TMEM176A: variants seen among roughly 807,000 people sequenced by gnomAD.
The protein encoded by TMEM176A is transmembrane protein 176A, also known as hepatocellular carcinoma-associated antigen 112.
A neutral mutation model predicts 27.9 loss-of-function variants in TMEM176A; 20 were observed. That is an observed-to-expected ratio of 0.72 (90% CI 0.50 to 1.04). The LOEUF (loss-of-function observed/expected upper bound fraction) is 1.04. TMEM176A is among the 50% of genes least tolerant of loss of function. The pLI, the probability that TMEM176A is intolerant of heterozygous loss-of-function variation, is 0.00. For missense variants in TMEM176A, 252 were observed against 289.1 expected (o/e 0.87, Z 0.93); for synonymous variants, 125 against 118.0 (o/e 1.06, Z -0.38).
At chr7:150,804,586 AC>A in intron 6 of TMEM176A, 114 bp downstream of exon 6, 4 of 983,726 alleles carry the variant, frequency 4.1e-6, no homozygotes, top group Non-Finnish European at 1.6e-6. Context: ...CCCAAGTCCC[AC>A]CTATTATCAT....
chr7:150,802,028 C>A, intron 2 of TMEM176A, 187 bp from the exon 3 acceptor site: 1 of 615,646 alleles, frequency 1.6e-6, no homozygotes, highest in Non-Finnish European at 2.8e-6. Flanking sequence ...CTCTTTTCTC[C>A]TCCTCCTGCC....
intron 1 of TMEM176A, 98 bp downstream of exon 1, chr7:150,800,926 CCCAGGGATGA>C (rs1231816414): frequency 1.0e-6 from 1 of 985,502 alleles, no homozygotes; most frequent in Non-Finnish European, 1.2e-6. Context: ...GGGACCCCCA[CCCAGGGATGA>C]CACTCCAGGA....
Position 150,804,421 on chromosome 7 carries a change from A to G in TMEM176A, c.615A>G (p.Ala205=). Residue 205 remains alanine (A), a synonymous_variant, in exon 6 of 7, where the codon GCA becomes GCG. Transcript: ENST00000004103. ...LLGVWILLLL[A]SLTPLWLYCW... Reference sequence around the variant, plus strand: ...GTGTCTGGATTCTGCTGCTTCTGGCATCTCTGACCCCTCTGTGGCTGTACT... The same window carrying G: ...GTGTCTGGATTCTGCTGCTTCTGGCGTCTCTGACCCCTCTGTGGCTGTACT... 1 of 1,614,148 alleles carries G rather than the reference A, an allele frequency of 6.2e-7. No homozygotes were observed. The highest frequency in any genetic ancestry group is 8.5e-7 in the Non-Finnish European group (1 of 1,180,018).
In TMEM176A at chr7:150,803,334, G is replaced by C. The variant is rs1029189369; in HGVS notation, c.286-66G>C. On this transcript the variant is annotated intron_variant, in intron 3 of 6. Coordinates refer to ENST00000004103, the MANE Select transcript of TMEM176A (RefSeq NM_018487.3). ...GTGCTGGGGAAGGGCCTGCATGGAG[G>C]CTCTCTCGTGGGAGAGGAGTTGCAT... The C allele has an allele frequency of 2.3e-5, 34 of 1,508,930 alleles. No individual in the cohort carries two copies. The South Asian group carries it at 3.6e-4, about 16-fold the overall frequency. The allele number at this position is 1,508,930 out of a possible 1,614,324, so 93.5% of individuals were successfully genotyped here.
In TMEM176A at chr7:150,801,533, T is replaced by A. The variant is rs113330466; in HGVS notation, c.-15-3T>A. ...TTCCTCTCTGGTGCTCCCTTCCTCA[T>A]AGACTGTGTCCCTGACAATGGGAAC... On this transcript the variant is annotated splice_region_variant and splice_polypyrimidine_tract_variant and intron_variant, in intron 1 of 6. Transcript: ENST00000004103. 31 of 1,581,004 alleles carry A rather than the reference T, an allele frequency of 2.0e-5. No individual in the cohort carries two copies. In the East Asian group the frequency reaches 6.9e-4, roughly 35 times the overall value.
At chr7:150,801,906 G>A (rs567014275) in intron 2 of TMEM176A, 182 bp downstream of exon 2, 2 of 697,082 alleles carry the variant, frequency 2.9e-6, no homozygotes, top group Non-Finnish European at 2.3e-6. Context: ...GGGCTGAAGG[G>A]GTGTGGAGGA....
At position 150,800,836 on chromosome 7, in the gene TMEM176A, G is replaced by A. The variant is rs1293847438; in HGVS notation, c.-16+8G>A. 1.2e-6 allele frequency: 1 copy of A among 817,730 alleles called. No homozygotes were observed. 50.7% of individuals were successfully genotyped at this position (817,730 alleles called of 1,614,324 possible). ...AGGTCCCGAGGAGCGCAGGTGAGGC[G>A]GCACCCCACTCCCGGCGGCCCCCGG... On this transcript the variant is annotated splice_region_variant and intron_variant, in intron 1 of 6. Coordinates refer to ENST00000004103, the MANE Select transcript of TMEM176A (RefSeq NM_018487.3).
rs200905753 is a variant in TMEM176A at position 150,804,431 on chromosome 7, C to G, written c.625C>G (p.Pro209Ala). The change falls in exon 6 of 7, where the codon CCT (proline) becomes GCT (alanine). Residue 209 changes from proline (P) to alanine (A), a missense_variant. Physicochemically the swap from Pro to Ala is conservative, Grantham distance 27. Transcript: ENST00000004103. Reference sequence around the variant, plus strand: ...TCTGCTGCTTCTGGCATCTCTGACCCCTCTGTGGCTGTACTGCTGGAGAAT... The same window carrying G: ...TCTGCTGCTTCTGGCATCTCTGACCGCTCTGTGGCTGTACTGCTGGAGAAT... Reference protein sequence around the residue: ...WILLLLASLTPLWLYCWRMFP... With the variant: ...WILLLLASLTALWLYCWRMFP... The G allele has an allele frequency of 9.0e-5, 145 of 1,614,038 alleles. No homozygotes were observed. Among genetic ancestry groups the G allele is most frequent in the Admixed American group, 6.7e-4 (40 of 60,004 alleles).
intron 2 of TMEM176A, 29 bp downstream of exon 2, chr7:150,801,753 G>A (rs1345548583): frequency 4.1e-6 from 6 of 1,468,356 alleles, no homozygotes; most frequent in Non-Finnish European, 5.4e-6. Flanking sequence ...CTCGTCGGGC[G>A]GCGGGAGGAA....
chr7:150,803,200 T>C, intron 3 of TMEM176A, 200 bp from the exon 4 acceptor site: 1 of 1,329,064 alleles, frequency 7.5e-7, no homozygotes, highest in Non-Finnish European at 9.6e-7. Flanking sequence ...TAGGTGTCAC[T>C]AAAGCAGGGC....
In TMEM176A at chr7:150,801,736, GGCC is replaced by G. The variant is rs1563048480; in HGVS notation, c.174+13_174+15del. ...TGGTGGCCTCGTGGGTGAGTGTGAC[GGCC>G]TGCCTCGTCGGGCGGCGGGAGGAAC... On this transcript the variant is annotated intron_variant, in intron 2 of 6. Transcript: ENST00000004103. 1 of 1,499,266 alleles carries G rather than the reference GGCC, an allele frequency of 6.7e-7. No individual in the cohort carries two copies. The highest frequency in any genetic ancestry group is 8.8e-7 in the Non-Finnish European group (1 of 1,134,064). 92.9% of individuals were successfully genotyped at this position (1,499,266 alleles called of 1,614,324 possible). A position where few individuals can be genotyped will look rare whatever the true frequency, so the allele number is the denominator to read the frequency against.
At position 150,805,049 on chromosome 7, in the gene TMEM176A, C is replaced by T. The variant is rs1798893882; in HGVS notation, c.*181C>T. ...CTTGCCCATTCCTTACACCCCTTCCCCATCCTGCTCCGCTTCATGTCCCCT... is the reference window on the plus strand; with the variant it reads ...CTTGCCCATTCCTTACACCCCTTCCTCATCCTGCTCCGCTTCATGTCCCCT... On this transcript the variant is annotated 3_prime_UTR_variant, in exon 7 of 7. Coordinates refer to ENST00000004103, the MANE Select transcript of TMEM176A (RefSeq NM_018487.3). 4.7e-6 allele frequency: 3 copies of T among 635,494 alleles called. No individual in the cohort carries two copies. In the Admixed American group the frequency reaches 7.9e-5, roughly 17 times the overall value. 39.4% of individuals were successfully genotyped at this position (635,494 alleles called of 1,614,324 possible).
chr7:150,804,402 G>A lies in TMEM176A; in HGVS notation c.596G>A (p.Trp199Ter). 2 of 1,614,212 alleles carry A rather than the reference G, an allele frequency of 1.2e-6. No individual in the cohort carries two copies. Among genetic ancestry groups the A allele is most frequent in the Non-Finnish European group, 1.7e-6 (2 of 1,180,030 alleles). ...CTTCAGGCCATGCTCTTGGGTGTCT[G>A]GATTCTGCTGCTTCTGGCATCTCTG... is the stretch of plus-strand genomic sequence containing the variant. The part of the protein sequence containing the change: ...RTLQAMLLGV[W>*]ILLLLASLTP... The change falls in exon 6 of 7, where the codon TGG (tryptophan) becomes TAG (stop). Residue 199 changes from tryptophan to a stop codon, truncating the protein, a stop_gained. Transcript: ENST00000004103. LOFTEE classifies it high-confidence loss of function.
At chr7:150,804,302 G>A (rs1165372307) in intron 5 of TMEM176A, 60 bp from the exon 6 acceptor site, 33 of 1,363,730 alleles carry the variant, frequency 2.4e-5, no homozygotes, top group Non-Finnish European at 3.4e-5. Context: ...AGGAGCATGG[G>A]GACAGAGCAG....
chr7:150,800,938 A>G, intron 1 of TMEM176A, 110 bp downstream of exon 1: 1 of 985,356 alleles, frequency 1.0e-6, no homozygotes, highest in Non-Finnish European at 1.2e-6. Flanking sequence ...CAGGGATGAC[A>G]CTCCAGGAAG....
intron 3 of TMEM176A, 46 bp downstream of exon 3, chr7:150,802,371 G>T: frequency 1.3e-6 from 2 of 1,528,428 alleles, no homozygotes; most frequent in Non-Finnish European, 9.1e-7. Flanking sequence ...GAGGGGTGGG[G>T]CATTGCTCTC....
Position 150,801,543 on chromosome 7 carries a change from C to A in TMEM176A, c.-8C>A. On this transcript the variant is annotated 5_prime_UTR_variant, in exon 2 of 7. Coordinates refer to ENST00000004103, the MANE Select transcript of TMEM176A (RefSeq NM_018487.3). ...GTGCTCCCTTCCTCATAGACTGTGTCCCTGACAATGGGAACAGCCGACAGT... is the reference window on the plus strand; with the variant it reads ...GTGCTCCCTTCCTCATAGACTGTGTACCTGACAATGGGAACAGCCGACAGT... 6.3e-7 allele frequency: 1 copy of A among 1,588,848 alleles called. No homozygotes were observed. The highest frequency in any genetic ancestry group is 1.2e-5 in the South Asian group (1 of 86,464).
At chr7:150,802,033 C>T in intron 2 of TMEM176A, 182 bp from the exon 3 acceptor site, 2 of 618,458 alleles carry the variant, frequency 3.2e-6, no homozygotes, top group Non-Finnish European at 5.7e-6. Context: ...TTCTCCTCCT[C>T]CTGCCTCTTC....
At position 150,803,731 on chromosome 7, in the gene TMEM176A, C is replaced by T. The variant is rs200813705; in HGVS notation, c.454C>T (p.Arg152Cys). The T allele has an allele frequency of 1.4e-5, 23 of 1,614,182 alleles. No individual in the cohort carries two copies. In the African/African-American group the frequency reaches 2.3e-4, roughly 16 times the overall value. ...YGYSYYNSAC[R>C]ISSSSDWNTP... The stretch of plus-strand genomic sequence containing the variant: ...CTACTCTTATTACAACAGTGCCTGC[C>T]GCATCTCCAGCTCGAGTGACTGGAA... The change falls in exon 5 of 7, where the codon CGC becomes TGC. Residue 152 changes from arginine to cysteine, a missense_variant. Coordinates refer to ENST00000004103, the MANE Select transcript of TMEM176A (RefSeq NM_018487.3).
Sources: gnomAD v4.1 joint callset for allele counts on GRCh38, gnomAD v4.1.1 for gene constraint, MANE v1.5 for transcripts, NCBI Gene and HGNC (gene_info 2026-07-23, HGNC 2026-07-21) for gene names.